The following CENPF variants were observed in gnomAD, a reference collection of about 807,000 sequenced individuals.
The protein encoded by CENPF is centromere protein F.
In CENPF, 214 loss-of-function variants were observed where a neutral mutation model predicts 307.3. The ratio of observed to expected loss-of-function variants is 0.70; its 90% CI spans 0.62 to 0.78. The LOEUF (loss-of-function observed/expected upper bound fraction) is 0.78, where lower values mean the gene tolerates loss of function less well. Ranked by LOEUF, CENPF falls within the 30% of genes least tolerant of loss-of-function variation. The pLI, the probability that CENPF is intolerant of heterozygous loss-of-function variation, is 0.00. For missense variants in CENPF, 3,401 were observed against 3,483.9 expected (o/e 0.98, Z 0.60); for synonymous variants, 1,259 against 1,270.6 (o/e 0.99, Z 0.19).
intron 14 of CENPF, 79 bp from the exon 15 acceptor site, chr1:214,651,631 A>T: frequency 9.2e-7 from 1 of 1,083,476 alleles, no homozygotes; most frequent in Non-Finnish European, 1.3e-6. Flanking sequence ...TCTACACAGT[A>T]CACATTATTT....
chr1:214,646,519 C>T lies in CENPF; in HGVS notation c.6949C>T (p.Gln2317Ter), dbSNP rs1362606570. ...CCGCCTAGAAGCTGATGAAAAGAAG[C>T]AGCTCTGTGTCTTACAACAACTGAA... ...RARLEADEKKQLCVLQQLKES... is the reference protein window; with the variant it reads ...RARLEADEKK The change falls in exon 13 of 20, where the codon CAG (glutamine) becomes TAG (stop). Residue 2317 changes from glutamine to a stop codon, truncating the protein, a stop_gained. Transcript: ENST00000366955. LOFTEE classifies it high-confidence loss of function. 3 of 1,614,140 alleles carry T rather than the reference C, an allele frequency of 1.9e-6. No individual in the cohort carries two copies. The highest frequency in any genetic ancestry group is 3.3e-5 in the Admixed American group (2 of 60,028).
At chr1:214,632,663 G>T (rs1264694943) in intron 10 of CENPF, 61 bp downstream of exon 10, 1 of 1,583,522 alleles carries the variant, frequency 6.3e-7, no homozygotes, top group East Asian at 2.2e-5. Context: ...AAGGGGAAAA[G>T]AATATTCCTA....
At position 214,642,490 on chromosome 1, in the gene CENPF, G is replaced by T. The variant is rs763056948; in HGVS notation, c.4152G>T (p.Leu1384Phe). Reference sequence around the variant, plus strand: ...AGCACCCTGTGTCTTTGGCTCCATTGGACGAGAGTAATTCCTACGAGCACT... The same window carrying T: ...AGCACCCTGTGTCTTTGGCTCCATTTGACGAGAGTAATTCCTACGAGCACT... The part of the protein sequence containing the change: ...NEQHPVSLAP[L>F]DESNSYEHLT... The change falls in exon 12 of 20, where the codon TTG becomes TTT. Residue 1384 changes from leucine (L) to phenylalanine (F), a missense_variant. Coordinates refer to ENST00000366955, the MANE Select transcript of CENPF (RefSeq NM_016343.4). 27 of 1,609,604 alleles carry T rather than the reference G, an allele frequency of 1.7e-5. No individual in the cohort carries two copies. Among genetic ancestry groups the T allele is most frequent in the Admixed American group, 5.0e-5 (3 of 59,480 alleles).
At chr1:214,653,198 G>T in intron 16 of CENPF, 1 of 532,762 alleles carries the variant, frequency 1.9e-6, no homozygotes, top group African/African-American at 1.9e-5. Context: ...GCTATCCATT[G>T]CCTCATGCAT....
chr1:214,631,140 C>T (rs947533387), intron 9 of CENPF, among the ~76,000 whole-genome samples: 2 of 152,214 alleles, frequency 1.3e-5, no homozygotes, highest in Non-Finnish European at 2.9e-5. Context: ...TGTCTAAAGG[C>T]ACTTCATAGT....
intron 5 of CENPF, 104 bp from the exon 6 acceptor site, chr1:214,620,551 A>G: frequency 8.6e-7 from 1 of 1,169,264 alleles, no homozygotes; most frequent in Non-Finnish European, 1.2e-6. Flanking sequence ...TATGCAGTGC[A>G]ACTGTTAACT....
intron 18 of CENPF, among the ~76,000 whole-genome samples, chr1:214,658,147 C>G (rs940334073): frequency 6.6e-6 from 1 of 151,436 alleles, no homozygotes; most frequent in Admixed American, 6.6e-5. Flanking sequence ...AAATAGTTAT[C>G]TATCTCTCAC....
At chr1:214,653,970 A>G (rs1242054224) in intron 16 of CENPF, 1 of 152,198 alleles carries the variant, frequency 6.6e-6, no homozygotes, top group African/African-American at 2.4e-5. Flanking sequence ...CAACATTGCT[A>G]ATAAATAATT....
At position 214,643,159 on chromosome 1, in the gene CENPF, A is replaced by G. The variant is rs760806562; in HGVS notation, c.4821A>G (p.Glu1607=). Residue 1607 remains glutamate, a synonymous_variant, in exon 12 of 20, where the codon GAA becomes GAG. Transcript: ENST00000366955. ...GGAAGCAGTATTTGTCAGAAAATGA[A>G]CAGTGGCAACAGAAGCTGACAAGCG... ...CLRKQYLSEN[E]QWQQKLTSVT... is the part of the protein sequence containing the mutation. The G allele has an allele frequency of 1.9e-5, 31 of 1,599,070 alleles. No homozygotes were observed. Among genetic ancestry groups the G allele is most frequent in the Non-Finnish European group, 2.6e-5 (31 of 1,175,276 alleles).
At chr1:214,652,444 C>CT (rs34873218) in intron 15 of CENPF, among the ~76,000 whole-genome samples, 2,872 of 120,898 alleles carry the variant, frequency 0.024, 39 homozygotes, top group African/African-American at 0.029. Context: ...TTTTTCTTTT[C>CT]TTTTTTTTTT....
chr1:214,626,416 CA>C (rs1177836699), intron 7 of CENPF, among the ~76,000 whole-genome samples: 3 of 152,122 alleles, frequency 2.0e-5, no homozygotes, highest in Non-Finnish European at 4.4e-5. Flanking sequence ...AAGTAAAAAT[CA>C]GGTTCATTTT....
At chr1:214,620,118 G>C (rs1318093104) in intron 5 of CENPF, among the ~76,000 whole-genome samples, 1 of 152,148 alleles carries the variant, frequency 6.6e-6, no homozygotes, top group Non-Finnish European at 1.5e-5. Context: ...AATGGAGGCA[G>C]AGAGAAGCAT....
At position 214,640,057 on chromosome 1, in the gene CENPF, T is replaced by G. The variant is rs753708099; in HGVS notation, c.1719T>G (p.Leu573=). The G allele has an allele frequency of 3.7e-6, 6 of 1,602,050 alleles. No individual in the cohort carries two copies. The highest frequency in any genetic ancestry group is 5.1e-6 in the Non-Finnish European group (6 of 1,177,316). The part of the protein sequence containing the change: ...LEKQRDCSQD[L]LKKREHHIEQ... ...AGCAGCGAGATTGTTCTCAAGACCT[T>G]TTGAAGAAAAGAGAACATCACATTG... is the stretch of plus-strand genomic sequence containing the variant. The change falls in exon 12 of 20, where the codon CTT becomes CTG. Residue 573 remains leucine, a synonymous_variant. Transcript: ENST00000366955.
rs748904814 is a variant in CENPF at position 214,630,631 on chromosome 1, T to C, written c.1292T>C (p.Met431Thr). ...LTQELQQAKN[M>T]HNVLQAELDK... ...CAGGAGTTACAGCAAGCCAAGAATATGCACAACGTCCTGCAGGCTGAACTG... is the reference window on the plus strand; with the variant it reads ...CAGGAGTTACAGCAAGCCAAGAATACGCACAACGTCCTGCAGGCTGAACTG... The change falls in exon 9 of 20, where the codon ATG (methionine) becomes ACG (threonine). Residue 431 changes from methionine (M) to threonine (T), a missense_variant. Coordinates refer to ENST00000366955, the MANE Select transcript of CENPF (RefSeq NM_016343.4). 9 of 1,614,178 alleles carry C rather than the reference T, an allele frequency of 5.6e-6. No homozygotes were observed. The Admixed American group carries it at 1.3e-4, about 24-fold the overall frequency.
In CENPF at chr1:214,642,882, C is replaced by T. The variant is rs757330015; in HGVS notation, c.4544C>T (p.Ala1515Val). Residue 1515 changes from alanine (A) to valine (V), a missense_variant, in exon 12 of 20, where the codon GCT (alanine) becomes GTT (valine). By Grantham distance (64) the Ala-to-Val change is moderately conservative. Transcript: ENST00000366955. ...DMSLLSNLEG[A>V]VSANQCSVDE... ...TCTCTTTTGAGTAATTTAGAAGGGG[C>T]TGTTTCAGCAAACCAGTGCAGTGTA... 6.2e-7 allele frequency: 1 copy of T among 1,613,954 alleles called. No individual in the cohort carries two copies. The highest frequency in any genetic ancestry group is 1.1e-5 in the South Asian group (1 of 91,076).
chr1:214,640,335 G>A lies in CENPF; in HGVS notation c.1997G>A (p.Arg666Lys). 1 of 1,613,908 alleles carries A rather than the reference G, an allele frequency of 6.2e-7. No individual in the cohort carries two copies. The highest frequency in any genetic ancestry group is 2.2e-5 in the East Asian group (1 of 44,858). Residue 666 changes from arginine to lysine, a missense_variant, in exon 12 of 20, where the codon AGA becomes AAA. Transcript: ENST00000366955. ...AGTCATGAATACAACGAGAGAGTAAGAACGCTGGAGATGGACAGAGAAAAC... is the reference window on the plus strand; with the variant it reads ...AGTCATGAATACAACGAGAGAGTAAAAACGCTGGAGATGGACAGAGAAAAC... Reference protein sequence around the residue: ...IKSHEYNERVRTLEMDRENLS... With the variant: ...IKSHEYNERVKTLEMDRENLS...
Position 214,643,740 on chromosome 1 carries a change from A to G in CENPF, c.4986+416A>G, listed in dbSNP as rs115017788. The stretch of plus-strand genomic sequence containing the variant: ...TTCAGACTATTTTTGATGTTATGGC[A>G]TTATCGTCATGAAACTAAATACAGC... On this transcript the variant is annotated intron_variant, in intron 12 of 19. Transcript: ENST00000366955. Among the ~76,000 whole-genome samples the G allele has an allele frequency of 7.8e-3, 1,187 of 152,288 alleles. 17 individuals carry two copies. The highest frequency in any genetic ancestry group is 0.027 in the African/African-American group (1,135 of 41,566).
chr1:214,657,820 T>C (rs1459477329), intron 18 of CENPF, among the ~76,000 whole-genome samples: 2 of 152,236 alleles, frequency 1.3e-5, no homozygotes, highest in African/African-American at 4.8e-5. Flanking sequence ...GTTTTTGTTT[T>C]GTTGTTTTAA....
At chr1:214,638,857 T>C (rs1232254569) in intron 11 of CENPF, among the ~76,000 whole-genome samples, 1 of 152,218 alleles carries the variant, frequency 6.6e-6, no homozygotes, top group African/African-American at 2.4e-5. Flanking sequence ...TTTTAGTTTT[T>C]CCACAGCAGC....
Sources: allele counts gnomAD v4.1 joint callset (sites outside exome capture counted in the v4.1 genomes callset), GRCh38; gene constraint gnomAD v4.1.1; transcripts MANE v1.5; gene names NCBI Gene and HGNC (gene_info 2026-07-23, HGNC 2026-07-21).